The following PLAG1 variants were observed in gnomAD, a reference collection of about 807,000 sequenced individuals.
PLAG1 encodes the protein zinc finger protein PLAG1.
In PLAG1, 7 loss-of-function variants were observed where a neutral mutation model predicts 35.5. That is an observed-to-expected ratio of 0.20 (90% CI 0.11 to 0.37). The LOEUF (loss-of-function observed/expected upper bound fraction) is 0.37. Among genes scored for constraint, PLAG1 ranks in the 10% least tolerant of loss-of-function variants. The pLI is 1.00. For missense variants in PLAG1, 454 were observed against 602.8 expected (o/e 0.75, Z 2.58); for synonymous variants, 229 against 225.4 (o/e 1.02, Z -0.14).
At position 56,184,675 on chromosome 8, in the gene PLAG1, G is replaced by A. The variant is rs61328003; in HGVS notation, c.-321-5162C>T. On this transcript the variant is annotated intron_variant, in intron 1 of 4. Transcript: ENST00000316981. ...AGCACTCTGGGAGGCCAAGGTGAGT[G>A]AGTGGCCAAGGTGAATGGATCATTT... 3.5e-3 allele frequency among the ~76,000 whole-genome samples: 530 copies of A among 152,316 alleles called. 3 individuals carry two copies. The highest frequency in any genetic ancestry group is 0.012 in the African/African-American group (494 of 41,568).
intron 2 of PLAG1, among the ~76,000 whole-genome samples, chr8:56,175,083 A>T (rs923336991): frequency 1.3e-5 from 2 of 152,246 alleles, no homozygotes; most frequent in Non-Finnish European, 2.9e-5. Context: ...TTGGTCCAAC[A>T]AATTGAATAA....
intron 1 of PLAG1, among the ~76,000 whole-genome samples, chr8:56,183,846 G>A (rs967977305): frequency 2.0e-5 from 3 of 152,108 alleles, no homozygotes; most frequent in African/African-American, 7.2e-5. Context: ...AATGGATCAT[G>A]AACCTAAATA....
intron 1 of PLAG1, among the ~76,000 whole-genome samples, chr8:56,204,891 C>T (rs900037977): frequency 1.3e-5 from 2 of 151,684 alleles, no homozygotes; most frequent in East Asian, 3.8e-4. Context: ...GAAAAGATGC[C>T]CCCTCCTCTC....
chr8:56,177,629 C>T (rs1811743741), intron 2 of PLAG1, among the ~76,000 whole-genome samples: 1 of 152,190 alleles, frequency 6.6e-6, no homozygotes, highest in Non-Finnish European at 1.5e-5. Flanking sequence ...TACTATTATT[C>T]ATCCTCGTAT....
At chr8:56,189,589 A>C (rs1280926391) in intron 1 of PLAG1, among the ~76,000 whole-genome samples, 1 of 152,232 alleles carries the variant, frequency 6.6e-6, no homozygotes, top group African/African-American at 2.4e-5. Context: ...GAGGTATCCC[A>C]AAAGGATACT....
chr8:56,185,157 A>C (rs1267796862), intron 1 of PLAG1, among the ~76,000 whole-genome samples: 2 of 152,212 alleles, frequency 1.3e-5, no homozygotes, highest in African/African-American at 4.8e-5. Context: ...AGGAAATGCA[A>C]GCTTATCCAT....
intron 1 of PLAG1, among the ~76,000 whole-genome samples, chr8:56,186,367 T>TTTTATTTA (rs1461386181): frequency 6.6e-6 from 1 of 152,096 alleles, no homozygotes; most frequent in Non-Finnish European, 1.5e-5. Context: ...TTTTATTCAT[T>TTTTATTTA]TTTATTTATT....
intron 1 of PLAG1, among the ~76,000 whole-genome samples, chr8:56,201,092 C>T (rs940598671): frequency 6.6e-6 from 1 of 152,106 alleles, no homozygotes; most frequent in Non-Finnish European, 1.5e-5. Context: ...ACATGAATAA[C>T]AAAATGGAGA....
intron 3 of PLAG1, among the ~76,000 whole-genome samples, chr8:56,170,875 T>TAG (rs2129225543): frequency 6.6e-6 from 1 of 152,326 alleles, no homozygotes; most frequent in Non-Finnish European, 1.5e-5. Context: ...ATATTACACT[T>TAG]TTCTAAGACC....
rs1811345419 is a variant in PLAG1, at chr8:56,166,147, AT to A, written c.*95del. ...AAATTTGTATTATACAAAAGCAGAA[AT>A]TTTTATACTGTTTTAAAGTAGGCAC... On this transcript the variant is annotated 3_prime_UTR_variant, in exon 5 of 5. Transcript: ENST00000316981. The A allele has an allele frequency of 1.2e-6, 1 of 854,850 alleles. No homozygotes were observed. The highest frequency in any genetic ancestry group is 2.6e-5 in the Admixed American group (1 of 38,420). 53.0% of individuals were successfully genotyped at this position (854,850 alleles called of 1,614,324 possible).
At chr8:56,183,468 G>C (rs533268901) in intron 1 of PLAG1, among the ~76,000 whole-genome samples, 106 of 152,158 alleles carry the variant, frequency 7.0e-4, no homozygotes, top group Admixed American at 1.5e-3. Flanking sequence ...TAAGTTATGT[G>C]GGGAAAGTTA....
chr8:56,209,908 T>A (rs928506685), intron 1 of PLAG1, among the ~76,000 whole-genome samples: 1 of 152,168 alleles, frequency 6.6e-6, no homozygotes, highest in Non-Finnish European at 1.5e-5. Context: ...ATATTAACTC[T>A]ATTAAGAAAA....
chr8:56,198,759 T>A (rs868766959), intron 1 of PLAG1, among the ~76,000 whole-genome samples: 5 of 152,222 alleles, frequency 3.3e-5, no homozygotes, highest in South Asian at 2.1e-4. Flanking sequence ...TCTCTTAGGG[T>A]CCCTCTTCCC....
In PLAG1 at chr8:56,166,247, T is replaced by C. The variant is rs1585773233; in HGVS notation, c.1499A>G (p.Gln500Arg). The change falls in exon 5 of 5, where the codon CAG (glutamine) becomes CGG (arginine). Residue 500 changes from glutamine (Q) to arginine (R), a missense_variant. This residue lies in a region of PLAG1 where 271 missense variants were observed against 315.6 expected (regional missense o/e 0.86). Transcript: ENST00000316981. ...TTLPRFHQAF[Q>R] The stretch of plus-strand genomic sequence containing the variant: ...ATGAATCCATGTCCCAGAATCCTAC[T>C]GAAAAGCTTGATGGAAACGTGGGAG... 6.3e-7 allele frequency: 1 copy of C among 1,579,244 alleles called. No homozygotes were observed. The highest frequency in any genetic ancestry group is 2.2e-5 in the East Asian group (1 of 44,582).
rs1275095408 is a variant in PLAG1, at chr8:56,167,134, C to T, written c.612G>A (p.Met204Ile). The T allele has an allele frequency of 1.9e-6, 3 of 1,614,044 alleles. No individual in the cohort carries two copies. In the South Asian group the frequency reaches 3.3e-5, roughly 18 times the overall value. ...AGTCCTTTCTTCCAGTGTGCACCAC[C>T]ATGTGTCTCCGGACATCCTTTCGGG... ...FYTRKDVRRH[M>I]VVHTGRKDFL... Residue 204 changes from methionine to isoleucine, a missense_variant, in exon 5 of 5, where the codon ATG (methionine) becomes ATA (isoleucine). By Grantham distance (10) the Met-to-Ile change is conservative. Coordinates refer to ENST00000316981, the MANE Select transcript of PLAG1 (RefSeq NM_002655.3). The surrounding 1 kb of genome is among the most constrained non-coding windows in gnomAD (Gnocchi z 5.9).
At chr8:56,181,036 AG>A (rs1463130462) in intron 1 of PLAG1, among the ~76,000 whole-genome samples, 2 of 152,250 alleles carry the variant, frequency 1.3e-5, no homozygotes, top group East Asian at 3.8e-4. Flanking sequence ...CACGCCAGTT[AG>A]AATGGCAATC....
At chr8:56,194,914 GA>G (rs904274745) in intron 1 of PLAG1, among the ~76,000 whole-genome samples, 23 of 152,150 alleles carry the variant, frequency 1.5e-4, no homozygotes, top group Non-Finnish European at 2.9e-4. Flanking sequence ...ATGGGACAGT[GA>G]AAGAGTGGAT....
rs1811183468 is a variant in PLAG1 at position 56,161,101 on chromosome 8, C to T, written c.*5142G>A. The T allele has an allele frequency of 5.4e-6, 1 of 186,028 alleles. No homozygotes were observed. Among genetic ancestry groups the T allele is most frequent in the African/African-American group, 2.3e-5 (1 of 42,644 alleles). 11.5% of individuals were successfully genotyped at this position (186,028 alleles called of 1,614,324 possible). A position where few individuals can be genotyped will look rare whatever the true frequency, so the allele number is the denominator to read the frequency against. On this transcript the variant is annotated 3_prime_UTR_variant, in exon 5 of 5. Transcript: ENST00000316981. The stretch of plus-strand genomic sequence containing the variant: ...GATGTGAATGTTTAAAATGTAGTAT[C>T]ACTGCAGCTTCATAATGTGATTGCT...
At chr8:56,186,555 T>G (rs1812023900) in intron 1 of PLAG1, among the ~76,000 whole-genome samples, 1 of 151,712 alleles carries the variant, frequency 6.6e-6, no homozygotes, top group Admixed American at 6.6e-5. Flanking sequence ...GTATTTTTGG[T>G]AGAGACGGGG....
Sources: allele counts gnomAD v4.1 joint callset (sites outside exome capture counted in the v4.1 genomes callset), GRCh38; gene constraint gnomAD v4.1.1; regional missense constraint gnomAD v4.1.1; non-coding constraint Gnocchi (gnomAD v3.1); transcripts MANE v1.5; gene names NCBI Gene and HGNC (gene_info 2026-07-23, HGNC 2026-07-21).